PCDH15: variants seen among roughly 807,000 people sequenced by gnomAD.
PCDH15 encodes protocadherin-15.
Under a neutral mutation model 178.5 loss-of-function variants are expected in PCDH15, and 129 were observed. The ratio of observed to expected loss-of-function variants is 0.72; its 90% CI spans 0.63 to 0.84. The LOEUF (loss-of-function observed/expected upper bound fraction) is 0.84. PCDH15 is among the 40% of genes least tolerant of loss of function. The pLI, the probability that PCDH15 is intolerant of heterozygous loss-of-function variation, is 0.00. For missense variants in PCDH15, 2,230 were observed against 2,099.9 expected (o/e 1.06, Z -1.21); for synonymous variants, 800 against 732.0 (o/e 1.09, Z -1.50).
At chr10:54,244,111 A>G (rs2055684223) in intron 8 of PCDH15, among the ~76,000 whole-genome samples, 1 of 152,172 alleles carries the variant, frequency 6.6e-6, no homozygotes, top group African/African-American at 2.4e-5. Context: ...AAACTCACTT[A>G]GCTAACAGAA....
At chr10:55,479,240 C>T (rs879264705) in intron 2 of PCDH15, among the ~76,000 whole-genome samples, 2 of 151,408 alleles carry the variant, frequency 1.3e-5, no homozygotes, top group East Asian at 3.9e-4. Context: ...TAAAATTCCT[C>T]AACAAAATCC....
intron 8 of PCDH15, among the ~76,000 whole-genome samples, chr10:54,280,709 C>T (rs1011198329): frequency 6.6e-6 from 1 of 151,776 alleles, no homozygotes; most frequent in African/African-American, 2.4e-5. Context: ...GTTCCCTTAT[C>T]TCCCTCAAGT....
intron 3 of PCDH15, among the ~76,000 whole-genome samples, chr10:54,849,204 A>G (rs962129942): frequency 6.6e-5 from 10 of 152,072 alleles, no homozygotes; most frequent in African/African-American, 2.4e-4. Context: ...AAAAAAAACT[A>G]CGCTTTCTGA....
intron 1 of PCDH15, among the ~76,000 whole-genome samples, chr10:54,792,832 T>C (rs1203315825): frequency 6.6e-6 from 1 of 151,842 alleles, no homozygotes; most frequent in Non-Finnish European, 1.5e-5. Flanking sequence ...CAGAGAACCC[T>C]GACAAATACA....
chr10:55,316,082 G>A (rs753743101), intron 1 of PCDH15, among the ~76,000 whole-genome samples: 1 of 152,032 alleles, frequency 6.6e-6, no homozygotes, highest in Non-Finnish European at 1.5e-5. Flanking sequence ...ACAAAAGTTG[G>A]ATCTAAAAAT....
intron 2 of PCDH15, among the ~76,000 whole-genome samples, chr10:54,947,548 A>G (rs1277108904): frequency 6.6e-6 from 1 of 151,910 alleles, no homozygotes; most frequent in African/African-American, 2.4e-5. Flanking sequence ...GCCAAAGCCT[A>G]AATTAAACCA....
At chr10:54,114,426 C>G (rs2095078554) in intron 15 of PCDH15, among the ~76,000 whole-genome samples, 1 of 152,164 alleles carries the variant, frequency 6.6e-6, no homozygotes, top group Non-Finnish European at 1.5e-5. Context: ...ACCTCAGTTG[C>G]AGCCTTTCTT....
intron 1 of PCDH15, among the ~76,000 whole-genome samples, chr10:55,271,585 T>A (rs1160936249): frequency 1.3e-5 from 2 of 152,098 alleles, no homozygotes; most frequent in Non-Finnish European, 2.9e-5. Flanking sequence ...GTTTGTAGCT[T>A]CCAGCAAATA....
intron 2 of PCDH15, 146 bp from the exon 3 acceptor site, chr10:54,528,023 A>ATAT (rs2132670018): frequency 1.5e-6 from 1 of 675,936 alleles, no homozygotes; most frequent in East Asian, 2.7e-5. Flanking sequence ...TATTATTTAA[A>ATAT]AACATTTTAT....
chr10:55,332,749 G>C (rs958862294), intron 2 of PCDH15, among the ~76,000 whole-genome samples: 1 of 152,076 alleles, frequency 6.6e-6, no homozygotes, highest in African/African-American at 2.4e-5. Flanking sequence ...GTTTTATAAG[G>C]AGTTTCCTTT....
intron 8 of PCDH15, among the ~76,000 whole-genome samples, chr10:54,266,363 T>C (rs1246421367): frequency 1.3e-5 from 2 of 151,360 alleles, no homozygotes; most frequent in African/African-American, 4.9e-5. Flanking sequence ...CAGAAATATA[T>C]CAAATTAACA....
intron 3 of PCDH15, among the ~76,000 whole-genome samples, chr10:54,393,153 A>G (rs1423898239): frequency 6.6e-6 from 1 of 152,180 alleles, no homozygotes; most frequent in African/African-American, 2.4e-5. Context: ...CAGCCTTACT[A>G]CATACAAGCT....
rs1947519539 is a variant in PCDH15, at chr10:54,370,662, T to A, written c.319-1387A>T. On this transcript the variant is annotated intron_variant, in intron 4 of 37. Coordinates refer to ENST00000644397, the MANE Select transcript of PCDH15 (RefSeq NM_001384140.1). ...TAGTTACACCAATGAGAATTGTAAA[T>A]ACTGCATGTGATTAGACTATACTAG... Among the ~76,000 whole-genome samples, 3 of 151,904 alleles carry A rather than the reference T, an allele frequency of 2.0e-5. No homozygotes were observed. The Admixed American group carries it at 2.0e-4, about 10-fold the overall frequency.
chr10:55,046,922 T>A (rs907870573), intron 2 of PCDH15, among the ~76,000 whole-genome samples: 2 of 151,844 alleles, frequency 1.3e-5, no homozygotes, highest in Non-Finnish European at 2.9e-5. Flanking sequence ...AAGTAATGAG[T>A]TTGAAAGCAA....
intron 2 of PCDH15, among the ~76,000 whole-genome samples, chr10:54,972,063 T>C (rs190285514): frequency 4.5e-4 from 68 of 152,278 alleles, no homozygotes; most frequent in Non-Finnish European, 8.5e-4. Flanking sequence ...AGCCGTAGAC[T>C]GTTAGAACCA....
At chr10:54,621,470 G>A (rs1590608546) in intron 2 of PCDH15, among the ~76,000 whole-genome samples, 1 of 151,824 alleles carries the variant, frequency 6.6e-6, no homozygotes, top group Non-Finnish European at 1.5e-5. Flanking sequence ...TTGGAGTCCC[G>A]TTGTTCTGAA....
At chr10:54,264,240 AC>A (rs2057522050) in intron 8 of PCDH15, among the ~76,000 whole-genome samples, 1 of 152,170 alleles carries the variant, frequency 6.6e-6, no homozygotes, top group South Asian at 2.1e-4. Flanking sequence ...CTACTTCAGT[AC>A]CTATAGAGAA....
intron 1 of PCDH15, among the ~76,000 whole-genome samples, chr10:54,788,340 G>A (rs1285974269): frequency 1.3e-5 from 2 of 151,828 alleles, no homozygotes; most frequent in Admixed American, 1.3e-4. Flanking sequence ...TACACCTTAT[G>A]AATCTGAAAT....
At chr10:54,493,876 C>T (rs894190705) in intron 3 of PCDH15, among the ~76,000 whole-genome samples, 1 of 151,970 alleles carries the variant, frequency 6.6e-6, no homozygotes, top group Non-Finnish European at 1.5e-5. Context: ...GAAAATGTGG[C>T]ACATATACAC....
Sources: gnomAD v4.1 joint callset for allele counts (sites outside exome capture counted in the v4.1 genomes callset) on GRCh38, gnomAD v4.1.1 for gene constraint, MANE v1.5 for transcripts, NCBI Gene and HGNC (gene_info 2026-07-23, HGNC 2026-07-21) for gene names.